L3MBTL3: variants seen among roughly 807,000 people sequenced by gnomAD.
L3MBTL3 encodes lethal(3)malignant brain tumor-like protein 3.
In L3MBTL3, 27 loss-of-function variants were observed where a neutral mutation model predicts 102.3. The observed-to-expected ratio is 0.26, with a 90% confidence interval of 0.19 to 0.36. The LOEUF is 0.36. Among genes scored for constraint, L3MBTL3 ranks in the 10% least tolerant of loss-of-function variants. The probability of loss-of-function intolerance (pLI) is 1.00; values close to 1 mark genes in which losing one functional copy is unlikely to be tolerated. For missense variants in L3MBTL3, 798 were observed against 955.3 expected (o/e 0.84, Z 2.17); for synonymous variants, 340 against 320.9 (o/e 1.06, Z -0.64).
intron 20 of L3MBTL3, among the ~76,000 whole-genome samples, chr6:130,122,891 G>T (rs1786334584): frequency 6.6e-6 from 1 of 152,102 alleles, no homozygotes; most frequent in African/African-American, 2.4e-5. Flanking sequence ...TTGGATTATT[G>T]TGAGGATTAA....
At chr6:130,090,589 T>G (rs901234183) in intron 16 of L3MBTL3, among the ~76,000 whole-genome samples, 1 of 152,106 alleles carries the variant, frequency 6.6e-6, no homozygotes, top group Non-Finnish European at 1.5e-5. Context: ...CTTCTTCTTC[T>G]TTTTTCTTTT....
chr6:130,106,872 A>G (rs1313831416), intron 19 of L3MBTL3, among the ~76,000 whole-genome samples: 1 of 152,220 alleles, frequency 6.6e-6, no homozygotes, highest in Non-Finnish European at 1.5e-5. Flanking sequence ...CTCATTTCCC[A>G]ATGGGTTTCC....
At chr6:130,048,666 G>T (rs1780872404) in intron 3 of L3MBTL3, among the ~76,000 whole-genome samples, 1 of 152,212 alleles carries the variant, frequency 6.6e-6, no homozygotes, top group Admixed American at 6.5e-5. Context: ...AGGGCTACAA[G>T]TGAAGATAAT....
intron 9 of L3MBTL3, among the ~76,000 whole-genome samples, chr6:130,058,875 A>G (rs1781702106): frequency 6.6e-6 from 1 of 152,286 alleles, no homozygotes; most frequent in African/African-American, 2.4e-5. Context: ...TATGTAATTA[A>G]TTTGTCATAG....
chr6:130,041,814 T>C (rs1780434830), intron 2 of L3MBTL3, among the ~76,000 whole-genome samples: 1 of 152,214 alleles, frequency 6.6e-6, no homozygotes, highest in Non-Finnish European at 1.5e-5. Flanking sequence ...TTTCCTGCTA[T>C]TGAGCAGAAA....
intron 19 of L3MBTL3, among the ~76,000 whole-genome samples, chr6:130,105,717 G>C (rs981588593): frequency 6.6e-6 from 1 of 152,054 alleles, no homozygotes; most frequent in African/African-American, 2.4e-5. Context: ...TAAAACGGTG[G>C]TAAGAATACG....
chr6:130,116,612 G>A (rs1404978157), intron 19 of L3MBTL3, among the ~76,000 whole-genome samples: 2 of 151,958 alleles, frequency 1.3e-5, no homozygotes, highest in African/African-American at 2.4e-5. Flanking sequence ...AATTAGCCAG[G>A]CATGGTAGCG....
At chr6:130,078,033 G>A (rs899077678) in intron 13 of L3MBTL3, among the ~76,000 whole-genome samples, 8 of 152,096 alleles carry the variant, frequency 5.3e-5, no homozygotes, top group African/African-American at 1.9e-4. Flanking sequence ...TAGTAGAGAT[G>A]ACAGAAAGGA....
At chr6:130,125,560 A>C (rs943893533) in intron 20 of L3MBTL3, among the ~76,000 whole-genome samples, 2 of 152,128 alleles carry the variant, frequency 1.3e-5, no homozygotes, top group Non-Finnish European at 2.9e-5. Flanking sequence ...CTAAATGCTT[A>C]ATGTTCCCAT....
intron 18 of L3MBTL3, among the ~76,000 whole-genome samples, chr6:130,099,930 A>G (rs1784581665): frequency 6.6e-6 from 1 of 152,238 alleles, no homozygotes; most frequent in Admixed American, 6.5e-5. Flanking sequence ...TTCTATGAGT[A>G]CAGGCAGCAG....
chr6:130,127,965 G>A (rs1244479004), intron 20 of L3MBTL3, among the ~76,000 whole-genome samples: 4 of 152,028 alleles, frequency 2.6e-5, no homozygotes, highest in East Asian at 1.9e-4. Context: ...CTGAATGTGG[G>A]GACCTACTTT....
In L3MBTL3 at chr6:130,027,679, T is replaced by A. The variant is rs566421113; in HGVS notation, c.-16+5374T>A. Among the ~76,000 whole-genome samples, 112 of 152,310 alleles carry A rather than the reference T, an allele frequency of 7.4e-4. 1 individual carries two copies. Among genetic ancestry groups the A allele is most frequent in the Non-Finnish European group, 7.2e-4 (49 of 68,000 alleles). ...AGAAATCAAGTGTAAATCTTAGCTT[T>A]ATGTTCTATAAAAATATGAAGCAAA... On this transcript the variant is annotated intron_variant, in intron 2 of 22. Coordinates refer to ENST00000361794, the MANE Select transcript of L3MBTL3 (RefSeq NM_032438.4).
At chr6:130,035,789 G>A (rs761122309) in intron 2 of L3MBTL3, among the ~76,000 whole-genome samples, 64 of 152,192 alleles carry the variant, frequency 4.2e-4, no homozygotes, top group Non-Finnish European at 7.6e-4. Flanking sequence ...GAGACCAATA[G>A]AAGTTAGAGG....
rs899796435 is a variant in L3MBTL3, at chr6:130,122,874, TA to T, written c.1966+1917del. The stretch of plus-strand genomic sequence containing the variant: ...GTAAAATGGATGTAGTAATGGTATC[TA>T]TATCATTGGATTATTGTGAGGATTA... On this transcript the variant is annotated intron_variant, in intron 20 of 22. Transcript: ENST00000361794. Among the ~76,000 whole-genome samples the T allele has an allele frequency of 2.6e-4, 39 of 152,310 alleles. 1 individual carries two copies. Among genetic ancestry groups the T allele is most frequent in the African/African-American group, 8.7e-4 (36 of 41,576 alleles).
At chr6:130,102,071 ATCT>A (rs1562312478) in intron 18 of L3MBTL3, among the ~76,000 whole-genome samples, 1 of 151,670 alleles carries the variant, frequency 6.6e-6, no homozygotes. Context: ...CCCCCAAATC[ATCT>A]TCTCCTTAGT....
chr6:130,094,878 C>A (rs758405237), intron 18 of L3MBTL3, among the ~76,000 whole-genome samples: 8 of 151,858 alleles, frequency 5.3e-5, no homozygotes, highest in East Asian at 1.9e-4. Context: ...TAAAAAAAAA[C>A]CAAATTTATG....
At chr6:130,115,256 G>T (rs140204682) in intron 19 of L3MBTL3, among the ~76,000 whole-genome samples, 1 of 152,256 alleles carries the variant, frequency 6.6e-6, no homozygotes, top group African/African-American at 2.4e-5. Flanking sequence ...AAACTAAGGA[G>T]TGAACTTTCA....
chr6:130,033,618 G>A (rs1000338987), intron 2 of L3MBTL3, among the ~76,000 whole-genome samples: 6 of 152,152 alleles, frequency 3.9e-5, no homozygotes, highest in African/African-American at 9.7e-5. Context: ...GACACCAGGC[G>A]CTGATCTCAG....
intron 7 of L3MBTL3, among the ~76,000 whole-genome samples, chr6:130,054,885 A>T (rs186979003): frequency 1.3e-5 from 2 of 152,316 alleles, no homozygotes; most frequent in East Asian, 3.9e-4. Flanking sequence ...CGTGAGGAAA[A>T]TCAGAGCAGA....
Sources: allele counts gnomAD v4.1 joint callset (sites outside exome capture counted in the v4.1 genomes callset), GRCh38; gene constraint gnomAD v4.1.1; transcripts MANE v1.5; gene names NCBI Gene and HGNC (gene_info 2026-07-23, HGNC 2026-07-21).